Variants in ENOSF1 observed in about 807,000 individuals in gnomAD.
ENOSF1 encodes the protein enolase superfamily member 1.
In ENOSF1, 73 loss-of-function variants were observed where a neutral mutation model predicts 68.2. The ratio of observed to expected loss-of-function variants is 1.07; its 90% CI spans 0.89 to 1.30. The LOEUF (loss-of-function observed/expected upper bound fraction) is 1.30. Among genes scored for constraint, ENOSF1 ranks in the 50% most tolerant of loss-of-function variants. The probability of loss-of-function intolerance (pLI) is 0.00; values close to 1 mark genes in which losing one functional copy is unlikely to be tolerated. For missense variants in ENOSF1, 589 were observed against 554.5 expected (o/e 1.06, Z -0.62); for synonymous variants, 223 against 210.4 (o/e 1.06, Z -0.52).
At chr18:685,692 A>C (rs114237397) in intron 10 of ENOSF1, among the ~76,000 whole-genome samples, 3,056 of 152,248 alleles carry the variant, frequency 0.02, 102 homozygotes, top group African/African-American at 0.071. Context: ...GTTAGTAAGA[A>C]AGGATCCTTA....
chr18:694,793 G>T (rs1330177161), intron 3 of ENOSF1, among the ~76,000 whole-genome samples: 1 of 147,468 alleles, frequency 6.8e-6, no homozygotes, highest in East Asian at 1.9e-4. Flanking sequence ...AAACACCTGT[G>T]TTTTCCTCTC....
chr18:708,843 G>C (rs1188377136), intron 1 of ENOSF1, among the ~76,000 whole-genome samples: 2 of 152,154 alleles, frequency 1.3e-5, no homozygotes, highest in Non-Finnish European at 2.9e-5. Context: ...TGGGTTGGCT[G>C]AGCCATTGGG....
At position 683,284 on chromosome 18, in the gene ENOSF1, A is replaced by C. The variant is rs998095401; in HGVS notation, c.838T>G (p.Ser280Ala). The C allele has an allele frequency of 4.3e-6, 7 of 1,614,108 alleles. No individual in the cohort carries two copies. In the Admixed American group the frequency reaches 1.2e-4, roughly 27 times the overall value. The change falls in exon 11 of 16, where the codon TCC (serine) becomes GCC (alanine). Residue 280 changes from serine (S) to alanine (A), a missense_variant. Transcript: ENST00000647584. ...GCGTGCCCCAGAATGTCATCAGGGG[A>C]GGTTGGCTCCTCAATCCACAATGGC... ...FKPLWIEEPT[S>A]PDDILGHATI...
Position 706,655 on chromosome 18 carries a change from G to A in ENOSF1, c.85-77C>T. On this transcript the variant is annotated intron_variant, in intron 1 of 15. Transcript: ENST00000647584. Reference sequence around the variant, plus strand: ...AAGAACCATGAGAATGATGTCACATGAGGACAGACAATGCCACAGGGGCCG... The same window carrying A: ...AAGAACCATGAGAATGATGTCACATAAGGACAGACAATGCCACAGGGGCCG... The A allele has an allele frequency of 2.7e-5, 30 of 1,104,386 alleles. No individual in the cohort carries two copies. In the South Asian group the frequency reaches 3.7e-4, roughly 14 times the overall value. 68.4% of individuals were successfully genotyped at this position (1,104,386 alleles called of 1,614,324 possible). A position where few individuals can be genotyped will look rare whatever the true frequency, so the allele number is the denominator to read the frequency against.
chr18:683,496 C>T, intron 10 of ENOSF1, 116 bp from the exon 11 acceptor site: 1 of 1,224,814 alleles, frequency 8.2e-7, no homozygotes, highest in South Asian at 1.4e-5. Context: ...AGTGAGACCC[C>T]CTAACGCCTC....
Position 706,587 on chromosome 18 carries a change from GAA to G in ENOSF1, c.85-11_85-10del. 1 of 1,605,254 alleles carries G rather than the reference GAA, an allele frequency of 6.2e-7. No homozygotes were observed. Among genetic ancestry groups the G allele is most frequent in the Non-Finnish European group, 8.5e-7 (1 of 1,172,236 alleles). On this transcript the variant is annotated splice_polypyrimidine_tract_variant and intron_variant, in intron 1 of 15. Transcript: ENST00000647584. Reference sequence around the variant, plus strand: ...TAGTCAGGGTCCGTGTGCTGCAGGAGAAGAGTTCCCCGCCGAAACAATGCCAG... The same window carrying G: ...TAGTCAGGGTCCGTGTGCTGCAGGAGGAGTTCCCCGCCGAAACAATGCCAG...
At position 699,478 on chromosome 18, in the gene ENOSF1, A is replaced by AAATAATAATAATAATAAT. The variant is rs147506890; in HGVS notation, c.194-2141_194-2124dup. Among the ~76,000 whole-genome samples, 627 of 149,110 alleles carry AAATAATAATAATAATAAT rather than the reference A, an allele frequency of 4.2e-3. 3 individuals carry two copies. Among genetic ancestry groups the AAATAATAATAATAATAAT allele is most frequent in the African/African-American group, 0.015 (588 of 40,550 alleles). On this transcript the variant is annotated intron_variant, in intron 2 of 15. Coordinates refer to ENST00000647584, the MANE Select transcript of ENOSF1 (RefSeq NM_017512.7). ...AGGTGACAGAGCTGGGCCCTGTCTC[A>AAATAATAATAATAATAAT]AATAATAATAATAATAATAATAATA... is the stretch of plus-strand genomic sequence containing the variant.
chr18:693,161 T>A, intron 5 of ENOSF1: 1 of 1,289,074 alleles, frequency 7.8e-7, no homozygotes, highest in Non-Finnish European at 1.0e-6. Context: ...CTCCTCAGCA[T>A]CCAGTTGTTC....
At chr18:704,605 C>CTTTT (rs367666026) in intron 2 of ENOSF1, among the ~76,000 whole-genome samples, 3 of 135,308 alleles carry the variant, frequency 2.2e-5, no homozygotes, top group South Asian at 4.7e-4. Context: ...TCTTCTGTAT[C>CTTTT]TTTTTTCTTT....
chr18:677,982 G>A (rs1027953758), intron 12 of ENOSF1, 110 bp from the exon 13 acceptor site: 18 of 1,305,056 alleles, frequency 1.4e-5, no homozygotes, highest in South Asian at 4.3e-5. Flanking sequence ...ATCAGTGGCC[G>A]TCAGGAAGCC....
intron 9 of ENOSF1, 74 bp from the exon 10 acceptor site, chr18:686,082 A>T: frequency 2.0e-6 from 2 of 1,010,796 alleles, no homozygotes; most frequent in East Asian, 2.4e-5. Flanking sequence ...TTTCTGCAGA[A>T]GTGACCGTCT....
chr18:695,725 G>A (rs1235962853), intron 3 of ENOSF1, among the ~76,000 whole-genome samples: 5 of 152,158 alleles, frequency 3.3e-5, no homozygotes, highest in African/African-American at 4.8e-5. Context: ...GATTATAGGC[G>A]TGAGCTACTG....
At chr18:700,335 G>C (rs2145288411) in intron 2 of ENOSF1, among the ~76,000 whole-genome samples, 1 of 152,278 alleles carries the variant, frequency 6.6e-6, no homozygotes, top group Middle Eastern at 3.4e-3. Flanking sequence ...AAAATCTGAA[G>C]TAAGTCAGTG....
At chr18:688,646 G>T (rs150275051) in intron 8 of ENOSF1, 38 bp from the exon 9 acceptor site, 153 of 1,590,864 alleles carry the variant, frequency 9.6e-5, no homozygotes, top group Non-Finnish European at 1.3e-4. Flanking sequence ...ACTGGAGAGA[G>T]CCCCTTGGTC....
chr18:664,071 G>T, the ENOSF1 span, among the ~76,000 whole-genome samples: 1 of 142,610 alleles, frequency 7.0e-6, no homozygotes, highest in Non-Finnish European at 1.5e-5. Flanking sequence ...TTGGTAGCTT[G>T]ATGGGGATGG....
chr18:684,004 T>G (rs1371118990), intron 10 of ENOSF1, among the ~76,000 whole-genome samples: 1 of 151,628 alleles, frequency 6.6e-6, no homozygotes, highest in East Asian at 1.9e-4. Context: ...TTTTTCTTTT[T>G]TTTTTTTGAG....
chr18:698,330 G>T (rs942014774), intron 2 of ENOSF1, among the ~76,000 whole-genome samples: 2 of 152,102 alleles, frequency 1.3e-5, no homozygotes, highest in Non-Finnish European at 2.9e-5. Context: ...ATGTTCCTAA[G>T]GAATAAGAAG....
chr18:684,676 G>A (rs1285280440), intron 10 of ENOSF1, among the ~76,000 whole-genome samples: 1 of 152,024 alleles, frequency 6.6e-6, no homozygotes, highest in Non-Finnish European at 1.5e-5. Flanking sequence ...TCCCTCCTAG[G>A]CCCTGGCTCT....
At chr18:667,571 A>AGATGGAGATGGT (rs2074880015), downstream of ENOSF1, 7 of 27,968 alleles carry the variant, frequency 2.5e-4, no homozygotes, top group South Asian at 1.1e-3. Flanking sequence ...ATGGTGATGG[A>AGATGGAGATGGT]GATGGTGATG....
Sources: gnomAD v4.1 joint callset for allele counts (sites outside exome capture counted in the v4.1 genomes callset) on GRCh38, gnomAD v4.1.1 for gene constraint, MANE v1.5 for transcripts, NCBI Gene and HGNC (gene_info 2026-07-23, HGNC 2026-07-21) for gene names.